GPR83: variants seen among roughly 807,000 people sequenced by gnomAD.
GPR83 encodes the protein G-protein coupled receptor 72.
A neutral mutation model predicts 28.0 loss-of-function variants in GPR83; 23 were observed. The observed-to-expected ratio is 0.82, with a 90% CI of 0.59 to 1.16. The LOEUF is 1.16. Ranked by LOEUF, GPR83 falls within the 50% of genes most tolerant of loss-of-function variation. The pLI, the probability that GPR83 is intolerant of heterozygous loss-of-function variation, is 0.00. For missense variants in GPR83, 610 were observed against 536.6 expected, an observed-to-expected ratio of 1.14 and a Z score of -1.35; for synonymous variants, 234 against 215.4, an observed-to-expected ratio of 1.09 and a Z score of -0.76.
In GPR83 at chr11:94,378,369, CAG is replaced by C. The variant is rs996389911; in HGVS notation, c.*1778_*1779del. 2.0e-5 allele frequency: 3 copies of C among 152,172 alleles called. No individual in the cohort carries two copies. Among genetic ancestry groups the C allele is most frequent in the African/African-American group, 7.2e-5 (3 of 41,440 alleles). The allele number at this position is 152,172 out of a possible 1,614,324, so 9.4% of individuals were successfully genotyped here. ...TGAGCTCATATCCATGCTTTGATTT[CAG>C]AGTTTATCTGGTGCTAGAAGAAAAC... On this transcript the variant is annotated 3_prime_UTR_variant, in exon 4 of 4. Transcript: ENST00000243673.
At chr11:94,390,574 C>T (rs1469678528) in intron 3 of GPR83, among the ~76,000 whole-genome samples, 2 of 152,116 alleles carry the variant, frequency 1.3e-5, no homozygotes, top group Non-Finnish European at 2.9e-5. Context: ...TTAGAAAACC[C>T]CATTGTCTCA....
chr11:94,384,600 G>C (rs570020393), intron 3 of GPR83, among the ~76,000 whole-genome samples: 100 of 152,266 alleles, frequency 6.6e-4, no homozygotes, highest in Non-Finnish European at 1.0e-4. Context: ...GCCAAGGAAA[G>C]GGGTGACAGA....
At chr11:94,394,133 G>A (rs990771383) in intron 2 of GPR83, among the ~76,000 whole-genome samples, 4 of 152,192 alleles carry the variant, frequency 2.6e-5, no homozygotes, top group African/African-American at 9.6e-5. Context: ...CCACGGCAAG[G>A]CTGGGAGAGG....
chr11:94,391,835 G>A (rs572236704), intron 3 of GPR83, among the ~76,000 whole-genome samples: 1 of 152,214 alleles, frequency 6.6e-6, no homozygotes, highest in African/African-American at 2.4e-5. Context: ...TGATGCTGGA[G>A]AGGATGTGGA....
rs1359346453 is a variant in GPR83, at chr11:94,378,855, T to C, written c.*1294A>G. On this transcript the variant is annotated 3_prime_UTR_variant, in exon 4 of 4. Transcript: ENST00000243673. Reference sequence around the variant, plus strand: ...GCAGGAGAGAAGGAATCATGCCTCCTGGTTGAGTTTGATTCCCTGGTTCAT... The same window carrying C: ...GCAGGAGAGAAGGAATCATGCCTCCCGGTTGAGTTTGATTCCCTGGTTCAT... 1 of 152,282 alleles carries C rather than the reference T, an allele frequency of 6.6e-6. No individual in the cohort carries two copies. Among genetic ancestry groups the C allele is most frequent in the Non-Finnish European group, 1.5e-5 (1 of 68,042 alleles). The allele number at this position is 152,282 out of a possible 1,614,324, so 9.4% of individuals were successfully genotyped here. A position where few individuals can be genotyped will look rare whatever the true frequency, so the allele number is the denominator to read the frequency against.
At chr11:94,384,943 C>A (rs1338927320) in intron 3 of GPR83, among the ~76,000 whole-genome samples, 2 of 152,218 alleles carry the variant, frequency 1.3e-5, no homozygotes, top group African/African-American at 2.4e-5. Flanking sequence ...TGGGAGGCAA[C>A]CCCCAGGAGG....
In GPR83 at chr11:94,400,791, A is replaced by G. The variant is rs1345659043; in HGVS notation, c.387+70T>C. 5.6e-6 allele frequency: 8 copies of G among 1,429,250 alleles called. No homozygotes were observed. The African/African-American group carries it at 1.1e-4, about 20-fold the overall frequency. The allele number at this position is 1,429,250 out of a possible 1,614,324, so 88.5% of individuals were successfully genotyped here. ...CAGGGAGACGCAGAACGGCAGAGGG[A>G]GGCCAGAGAACTGAGAGAGGAAAGG... On this transcript the variant is annotated intron_variant, in intron 1 of 3. Transcript: ENST00000243673.
At chr11:94,398,731 AT>A (rs1488065981) in intron 1 of GPR83, among the ~76,000 whole-genome samples, 3 of 152,192 alleles carry the variant, frequency 2.0e-5, no homozygotes, top group African/African-American at 7.2e-5. Flanking sequence ...GAAGAAGGAT[AT>A]TGTTGCCAAT....
chr11:94,384,553 C>G (rs557991189), intron 3 of GPR83, among the ~76,000 whole-genome samples: 16 of 152,310 alleles, frequency 1.1e-4, no homozygotes, highest in African/African-American at 3.4e-4. Flanking sequence ...ATCGCCTCAC[C>G]TGGGAAGTGC....
chr11:94,380,272 C>T lies in GPR83; in HGVS notation c.1149G>A (p.Val383=), dbSNP rs1565182928. ...GGCCATCATTCTTCTCTGTCCAGGC[C>T]ACCCTGAAGGAAGGAACTGGGGAGG... ...RPPSPVPSFR[V]AWTEKNDGQR... Residue 383 remains valine (V), a synonymous_variant, in exon 4 of 4, where the codon GTG becomes GTA. Transcript: ENST00000243673. 1 of 1,575,684 alleles carries T rather than the reference C, an allele frequency of 6.3e-7. No homozygotes were observed. The highest frequency in any genetic ancestry group is 1.2e-5 in the South Asian group (1 of 83,480).
chr11:94,382,609 T>C (rs1283387132), intron 3 of GPR83, among the ~76,000 whole-genome samples: 1 of 152,076 alleles, frequency 6.6e-6, no homozygotes, highest in East Asian at 1.9e-4. Flanking sequence ...CCACTGTCAA[T>C]ATTAGACAGA....
intron 3 of GPR83, among the ~76,000 whole-genome samples, chr11:94,388,880 A>T (rs1268498930): frequency 6.6e-6 from 1 of 152,240 alleles, no homozygotes; most frequent in Non-Finnish European, 1.5e-5. Flanking sequence ...ATCCTAAGGC[A>T]AAAGAACAAA....
intron 3 of GPR83, among the ~76,000 whole-genome samples, chr11:94,385,618 TGAAATGAAG>T (rs1476625689): frequency 1.3e-5 from 2 of 152,086 alleles, no homozygotes; most frequent in African/African-American, 4.8e-5. Context: ...ATCAAATGAA[TGAAATGAAG>T]CGAGAAGAGA....
At chr11:94,398,226 A>G (rs1944883323) in intron 1 of GPR83, among the ~76,000 whole-genome samples, 1 of 152,068 alleles carries the variant, frequency 6.6e-6, no homozygotes, top group African/African-American at 2.4e-5. Context: ...TCTGCTAACC[A>G]CAATCATATT....
Position 94,400,851 on chromosome 11 carries a change from G to A in GPR83, c.387+10C>T. The A allele has an allele frequency of 1.2e-6, 2 of 1,611,408 alleles. No individual in the cohort carries two copies. The highest frequency in any genetic ancestry group is 1.7e-6 in the Non-Finnish European group (2 of 1,177,976). ...ACAGAAGGTGGGGCGGCAGGCAGCG[G>A]GCCCCTTACCAAAGTGAAGGGGGTG... On this transcript the variant is annotated intron_variant, in intron 1 of 3. Transcript: ENST00000243673.
At chr11:94,399,421 G>A (rs1339476267) in intron 1 of GPR83, among the ~76,000 whole-genome samples, 2 of 152,184 alleles carry the variant, frequency 1.3e-5, no homozygotes, top group Non-Finnish European at 2.9e-5. Flanking sequence ...TTAGTGGACC[G>A]ACCTCTGGAT....
At chr11:94,391,260 T>G (rs1274932060) in intron 3 of GPR83, among the ~76,000 whole-genome samples, 1 of 152,124 alleles carries the variant, frequency 6.6e-6, no homozygotes, top group African/African-American at 2.4e-5. Context: ...TTGGAAAAAC[T>G]GGCTAGCCAT....
chr11:94,393,032 C>T (rs1333547356), intron 3 of GPR83, among the ~76,000 whole-genome samples: 1 of 152,080 alleles, frequency 6.6e-6, no homozygotes, highest in Non-Finnish European at 1.5e-5. Flanking sequence ...GAAAGACGTT[C>T]TCATTCAGTG....
intron 3 of GPR83, among the ~76,000 whole-genome samples, chr11:94,390,566 A>C (rs1944807718): frequency 6.6e-6 from 1 of 152,222 alleles, no homozygotes; most frequent in South Asian, 2.1e-4. Flanking sequence ...TTGTGTATTT[A>C]GAAAACCCCA....
Sources: allele counts gnomAD v4.1 joint callset (sites outside exome capture counted in the v4.1 genomes callset), GRCh38; gene constraint gnomAD v4.1.1; transcripts MANE v1.5; gene names NCBI Gene and HGNC (gene_info 2026-07-23, HGNC 2026-07-21).